KCND2: variants seen among roughly 807,000 people sequenced by gnomAD.
The protein encoded by KCND2 is A-type voltage-gated potassium channel KCND2.
Under a neutral mutation model 54.4 loss-of-function variants are expected in KCND2, and 16 were observed. That is an observed-to-expected ratio of 0.29 (90% confidence interval 0.20 to 0.45). KCND2 has a LOEUF of 0.45. Among genes scored for constraint, KCND2 ranks in the 20% least tolerant of loss-of-function variants. The pLI is 1.00. For synonymous variants in KCND2, 317 were observed against 310.7 expected (o/e 1.02, Z -0.21); for missense variants, 486 against 824.2 (o/e 0.59, Z 5.02).
chr7:120,641,472 G>C (rs901590747), intron 1 of KCND2, among the ~76,000 whole-genome samples: 12 of 151,986 alleles, frequency 7.9e-5, no homozygotes, highest in Non-Finnish European at 1.6e-4. Flanking sequence ...ATAATGGATA[G>C]TTTCTCCAGG....
intron 1 of KCND2, among the ~76,000 whole-genome samples, chr7:120,324,220 T>C (rs1799939932): frequency 6.6e-6 from 1 of 150,580 alleles, no homozygotes; most frequent in African/African-American, 2.4e-5. Flanking sequence ...GATGAGTAGG[T>C]TGCAAAAATT....
At chr7:120,715,182 C>T (rs1178884745) in intron 1 of KCND2, among the ~76,000 whole-genome samples, 1 of 151,856 alleles carries the variant, frequency 6.6e-6, no homozygotes, top group African/African-American at 2.4e-5. Flanking sequence ...AGGGATTTGG[C>T]ACAGTTTTTA....
intron 1 of KCND2, among the ~76,000 whole-genome samples, chr7:120,417,030 G>C (rs745756401): frequency 6.6e-6 from 1 of 152,020 alleles, no homozygotes; most frequent in East Asian, 1.9e-4. Context: ...ATTTTTAGTA[G>C]CGATGGGGCT....
At chr7:120,677,852 T>G (rs945325671) in intron 1 of KCND2, among the ~76,000 whole-genome samples, 1 of 152,142 alleles carries the variant, frequency 6.6e-6, no homozygotes, top group African/African-American at 2.4e-5. Flanking sequence ...GTGCCTAATG[T>G]AGGCTTATGT....
At chr7:120,361,814 T>G (rs1283989838) in intron 1 of KCND2, among the ~76,000 whole-genome samples, 1 of 152,126 alleles carries the variant, frequency 6.6e-6, no homozygotes, top group South Asian at 2.1e-4. Flanking sequence ...AAGTAAGTTC[T>G]AATTCTATTT....
intron 1 of KCND2, among the ~76,000 whole-genome samples, chr7:120,481,137 T>C (rs1211271582): frequency 6.6e-6 from 1 of 152,210 alleles, no homozygotes; most frequent in Non-Finnish European, 1.5e-5. Context: ...AGGAATACGG[T>C]ATTGCAAACT....
chr7:120,460,949 G>A (rs551105948), intron 1 of KCND2, among the ~76,000 whole-genome samples: 13 of 151,890 alleles, frequency 8.6e-5, no homozygotes, highest in Non-Finnish European at 1.6e-4. Context: ...CTTTTTTGTT[G>A]CATTGATATA....
chr7:120,545,685 C>G (rs933335160), intron 1 of KCND2, among the ~76,000 whole-genome samples: 3 of 151,650 alleles, frequency 2.0e-5, no homozygotes, highest in African/African-American at 7.3e-5. Flanking sequence ...GGTCAGCCAG[C>G]AGAGAGTTGG....
chr7:120,411,718 G>C (rs763838218), intron 1 of KCND2, among the ~76,000 whole-genome samples: 1 of 151,910 alleles, frequency 6.6e-6, no homozygotes, highest in Non-Finnish European at 1.5e-5. Context: ...AACTTTCACA[G>C]TACATTCTTG....
At chr7:120,701,925 A>G (rs1172418027) in intron 1 of KCND2, among the ~76,000 whole-genome samples, 1 of 152,234 alleles carries the variant, frequency 6.6e-6, no homozygotes, top group African/African-American at 2.4e-5. Flanking sequence ...AAGATGCCGA[A>G]AGCAATTGCA....
intron 1 of KCND2, among the ~76,000 whole-genome samples, chr7:120,636,205 A>G (rs117205124): frequency 0.011 from 1,605 of 152,252 alleles, 9 homozygotes; most frequent in Non-Finnish European, 0.015. Context: ...GAGAAGGGAC[A>G]TATAATGATG....
At chr7:120,462,113 A>G (rs1053571537) in intron 1 of KCND2, among the ~76,000 whole-genome samples, 4 of 151,808 alleles carry the variant, frequency 2.6e-5, no homozygotes, top group Non-Finnish European at 5.9e-5. Context: ...AGTATCTCAT[A>G]TTGTATCTCT....
Position 120,646,183 on chromosome 7 carries a change from G to A in KCND2, c.1116-86720G>A, listed in dbSNP as rs563002451. Among the ~76,000 whole-genome samples, 11 of 152,202 alleles carry A rather than the reference G, an allele frequency of 7.2e-5. No homozygotes were observed. In the South Asian group the frequency reaches 2.1e-3, roughly 29 times the overall value. ...CACAACCATATGTGACCCATTTAACGCAGCCCAATAAGTGATTCTCTGTTT... is the reference window on the plus strand; with the variant it reads ...CACAACCATATGTGACCCATTTAACACAGCCCAATAAGTGATTCTCTGTTT... On this transcript the variant is annotated intron_variant, in intron 1 of 5. Coordinates refer to ENST00000331113, the MANE Select transcript of KCND2 (RefSeq NM_012281.3).
At chr7:120,276,642 GT>G (rs1196050260) in intron 1 of KCND2, among the ~76,000 whole-genome samples, 2 of 151,984 alleles carry the variant, frequency 1.3e-5, no homozygotes, top group Non-Finnish European at 2.9e-5. Flanking sequence ...GTATAATGAA[GT>G]TCTGCAACCA....
intron 1 of KCND2, among the ~76,000 whole-genome samples, chr7:120,644,118 GAC>G (rs941877968): frequency 2.6e-5 from 4 of 152,038 alleles, no homozygotes; most frequent in African/African-American, 9.7e-5. Flanking sequence ...TCTCTGCAGA[GAC>G]ACAACTTACC....
At chr7:120,327,027 T>C (rs892438299) in intron 1 of KCND2, among the ~76,000 whole-genome samples, 6 of 152,120 alleles carry the variant, frequency 3.9e-5, no homozygotes, top group African/African-American at 1.4e-4. Flanking sequence ...GCCATTTTTT[T>C]AGATTTGAAT....
At chr7:120,669,855 A>G (rs1791969932) in intron 1 of KCND2, among the ~76,000 whole-genome samples, 2 of 152,130 alleles carry the variant, frequency 1.3e-5, no homozygotes, top group Non-Finnish European at 2.9e-5. Context: ...TAACACATGT[A>G]ATAGCAAAAA....
intron 1 of KCND2, among the ~76,000 whole-genome samples, chr7:120,550,241 G>A (rs1010944954): frequency 6.6e-6 from 1 of 151,916 alleles, no homozygotes; most frequent in Non-Finnish European, 1.5e-5. Flanking sequence ...ATCCCTAGAA[G>A]GACAGTGTAT....
At chr7:120,393,844 C>T (rs1801113316) in intron 1 of KCND2, among the ~76,000 whole-genome samples, 4 of 151,808 alleles carry the variant, frequency 2.6e-5, no homozygotes, top group Admixed American at 2.6e-4. Context: ...TGTAGCAATC[C>T]AATGACAAAA....
Sources: allele counts gnomAD v4.1 joint callset (sites outside exome capture counted in the v4.1 genomes callset), GRCh38; gene constraint gnomAD v4.1.1; transcripts MANE v1.5; gene names NCBI Gene and HGNC (gene_info 2026-07-23, HGNC 2026-07-21).